The following TMEM132C variants were observed in gnomAD, a reference collection of about 807,000 sequenced individuals.
TMEM132C encodes transmembrane protein 132C.
TMEM132C carries 29 observed loss-of-function variants against 61.4 expected under a neutral mutation model. The ratio of observed to expected loss-of-function variants is 0.47; its 90% confidence interval spans 0.35 to 0.64. The LOEUF is 0.64. Ranked by LOEUF, TMEM132C falls within the 30% of genes least tolerant of loss-of-function variation. TMEM132C has a pLI of 0.00. For synonymous variants in TMEM132C, 656 were observed against 633.1 expected (o/e 1.04, Z -0.54); for missense variants, 1,408 against 1,476.9 (o/e 0.95, Z 0.76).
intron 4 of TMEM132C, among the ~76,000 whole-genome samples, chr12:128,656,550 A>G (rs542194055): frequency 6.6e-6 from 1 of 152,368 alleles, no homozygotes; most frequent in East Asian, 1.9e-4. Context: ...CCGGTTCTCA[A>G]CCTTCAACAA....
chr12:128,510,251 C>A (rs1872524966), intron 2 of TMEM132C, among the ~76,000 whole-genome samples: 1 of 152,138 alleles, frequency 6.6e-6, no homozygotes, highest in Admixed American at 6.5e-5. Flanking sequence ...ATTATGTGAT[C>A]TCTTTCTGTT....
chr12:128,332,027 G>C (rs1012406791), intron 1 of TMEM132C, among the ~76,000 whole-genome samples: 22 of 152,308 alleles, frequency 1.4e-4, no homozygotes, highest in African/African-American at 5.3e-4. Context: ...GATGACGCCT[G>C]TAGGTCTAGC....
At chr12:128,478,049 G>A (rs1170807428) in intron 2 of TMEM132C, among the ~76,000 whole-genome samples, 1 of 152,176 alleles carries the variant, frequency 6.6e-6, no homozygotes, top group Non-Finnish European at 1.5e-5. Flanking sequence ...AGTCCTACAA[G>A]CTCAAGTCCC....
At chr12:128,603,146 C>T (rs1250341910) in intron 3 of TMEM132C, among the ~76,000 whole-genome samples, 2 of 151,816 alleles carry the variant, frequency 1.3e-5, no homozygotes, top group South Asian at 2.1e-4. Context: ...GAGCAGTGCA[C>T]GGAGAGAGTG....
intron 2 of TMEM132C, among the ~76,000 whole-genome samples, chr12:128,493,345 T>A (rs1871817522): frequency 6.6e-6 from 1 of 152,214 alleles, no homozygotes; most frequent in Admixed American, 6.5e-5. Flanking sequence ...TGTTTTTTGG[T>A]TCCATATGAA....
At position 128,278,602 on chromosome 12, in the gene TMEM132C, C is replaced by T. The variant is rs1399819811; in HGVS notation, c.85+11115C>T. ...TTAGTTCTGGGTGGGAAGGGGTCCC[C>T]TCTACCATTCACAGAGGCAAGAAGC... On this transcript the variant is annotated intron_variant, in intron 1 of 8. Coordinates refer to ENST00000435159, the MANE Select transcript of TMEM132C (RefSeq NM_001136103.3). The surrounding 1 kb of genome is among the most constrained non-coding windows in gnomAD (Gnocchi z 4.2). Among the ~76,000 whole-genome samples the T allele has an allele frequency of 6.6e-6, 1 of 152,112 alleles. No individual in the cohort carries two copies.
At chr12:128,301,653 T>C (rs1052020344) in intron 1 of TMEM132C, among the ~76,000 whole-genome samples, 2 of 152,108 alleles carry the variant, frequency 1.3e-5, no homozygotes, top group Admixed American at 6.5e-5. Flanking sequence ...TTTGCAAGGA[T>C]TGGAGGAAAG....
chr12:128,504,273 G>C (rs542327068), intron 2 of TMEM132C, among the ~76,000 whole-genome samples: 1 of 152,256 alleles, frequency 6.6e-6, no homozygotes, highest in African/African-American at 2.4e-5. Context: ...TTGAAGTTGT[G>C]CCAATATGCT....
intron 1 of TMEM132C, among the ~76,000 whole-genome samples, chr12:128,388,193 C>T (rs996124885): frequency 3.9e-5 from 6 of 152,098 alleles, no homozygotes; most frequent in African/African-American, 9.7e-5. Flanking sequence ...CTTGGGCTGG[C>T]GTGGCCAACC....
At chr12:128,514,118 C>A (rs1187801005) in intron 2 of TMEM132C, among the ~76,000 whole-genome samples, 1 of 152,210 alleles carries the variant, frequency 6.6e-6, no homozygotes. Flanking sequence ...TTCTTGTGAA[C>A]AAAAGTGCTG....
intron 2 of TMEM132C, among the ~76,000 whole-genome samples, chr12:128,531,090 T>C (rs753232423): frequency 2.1e-5 from 3 of 143,396 alleles, no homozygotes; most frequent in Non-Finnish European, 4.5e-5. Context: ...AAGCAAAACA[T>C]TGGTAATTGT....
chr12:128,383,008 G>A (rs185150724), intron 1 of TMEM132C, among the ~76,000 whole-genome samples: 37 of 152,090 alleles, frequency 2.4e-4, no homozygotes, highest in East Asian at 5.8e-4. Flanking sequence ...CTGTGAGTGC[G>A]TCTGTGTATC....
At chr12:128,410,007 G>A (rs1364178444) in intron 1 of TMEM132C, among the ~76,000 whole-genome samples, 1 of 152,064 alleles carries the variant, frequency 6.6e-6, no homozygotes, top group Non-Finnish European at 1.5e-5. Context: ...ATATGGTGGG[G>A]CATTGACTCA....
intron 2 of TMEM132C, among the ~76,000 whole-genome samples, chr12:128,497,608 G>A (rs752111184): frequency 1.1e-4 from 16 of 152,328 alleles, no homozygotes; most frequent in Admixed American, 5.2e-4. Context: ...GCGAGGCTCC[G>A]TGGGCATGGG....
rs1871026594 is a variant in TMEM132C at position 128,473,334 on chromosome 12, T to TCTGCTG, written c.974+57715_974+57716insTGCTGC. 7.2e-3 allele frequency among the ~76,000 whole-genome samples: 16 copies of TCTGCTG among 2,234 alleles called. 1 individual carries two copies. The highest frequency in any genetic ancestry group is 0.026 in the African/African-American group (16 of 624). 1.5% of individuals were successfully genotyped at this position (2,234 alleles called of 152,430 possible). A position where few individuals can be genotyped will look rare whatever the true frequency, so the allele number is the denominator to read the frequency against. On this transcript the variant is annotated intron_variant, in intron 2 of 8. Transcript: ENST00000435159. ...CTCCAGCCTCTATCTTCATCTTCAG[T>TCTGCTG]CCAGCCTCCTTCTTCATCTTCACTC...
intron 1 of TMEM132C, among the ~76,000 whole-genome samples, chr12:128,390,544 G>T (rs1232520163): frequency 6.6e-6 from 1 of 152,132 alleles, no homozygotes; most frequent in Non-Finnish European, 1.5e-5. Context: ...GATCCTCCTG[G>T]CTTACTATCA....
intron 3 of TMEM132C, among the ~76,000 whole-genome samples, chr12:128,593,350 C>T (rs1254836317): frequency 6.6e-6 from 1 of 152,094 alleles, no homozygotes; most frequent in Non-Finnish European, 1.5e-5. Context: ...CTCTCTTTCT[C>T]TCTCTCTCTC....
intron 2 of TMEM132C, among the ~76,000 whole-genome samples, chr12:128,463,537 T>C (rs923688569): frequency 4.6e-5 from 7 of 152,156 alleles, no homozygotes; most frequent in African/African-American, 7.2e-5. Flanking sequence ...CAGGCTGGTC[T>C]GGAACTCCTG....
rs561555738 is a variant in TMEM132C at position 128,309,718 on chromosome 12, CTTTTTTTCTTTTT to C, written c.85+42248_85+42260del. On this transcript the variant is annotated intron_variant, in intron 1 of 8. Transcript: ENST00000435159. The stretch of plus-strand genomic sequence containing the variant: ...TGTAAAATATATCAGCTCTTCATTC[CTTTTTTTCTTTTT>C]TTTTTTTCTTTTTTTTCCTGAGATG... Among the ~76,000 whole-genome samples, 223 of 150,938 alleles carry C rather than the reference CTTTTTTTCTTTTT, an allele frequency of 1.5e-3. 1 individual carries two copies. Among genetic ancestry groups the C allele is most frequent in the Middle Eastern group, 3.4e-3 (1 of 292 alleles).
Sources: allele counts gnomAD v4.1 joint callset (sites outside exome capture counted in the v4.1 genomes callset), GRCh38; gene constraint gnomAD v4.1.1; non-coding constraint Gnocchi (gnomAD v3.1); transcripts MANE v1.5; gene names NCBI Gene and HGNC (gene_info 2026-07-23, HGNC 2026-07-21).